Variants in RCHY1 observed in about 807,000 individuals in gnomAD.
RCHY1 encodes the protein RING finger and CHY zinc finger domain-containing protein 1.
A neutral mutation model predicts 41.6 loss-of-function variants in RCHY1; 21 were observed. The ratio of observed to expected loss-of-function variants is 0.51; its 90% CI spans 0.36 to 0.73. The LOEUF is 0.73. RCHY1 is among the 30% of genes least tolerant of loss of function. The probability of loss-of-function intolerance (pLI) is 0.00; values close to 1 mark genes in which losing one functional copy is unlikely to be tolerated. For synonymous variants in RCHY1, 79 were observed against 102.9 expected (o/e 0.77, Z 1.41); for missense variants, 265 against 325.3 (o/e 0.81, Z 1.43).
At chr4:75,494,334 C>CAAAT in intron 3 of RCHY1, 155 bp from the exon 4 acceptor site, 2 of 618,478 alleles carry the variant, frequency 3.2e-6, no homozygotes. Flanking sequence ...CATCCCTCTC[C>CAAAT]AAATGTAAGC....
At chr4:75,514,029 T>C (rs1725256547) in intron 1 of RCHY1, 168 bp downstream of exon 1, 3 of 1,058,624 alleles carry the variant, frequency 2.8e-6, no homozygotes, top group Non-Finnish European at 2.6e-6. Context: ...GTGGGGCTTA[T>C]CGCCTTGCCA....
intron 3 of RCHY1, among the ~76,000 whole-genome samples, chr4:75,500,588 T>C (rs1723657027): frequency 6.6e-6 from 1 of 152,200 alleles, no homozygotes; most frequent in Admixed American, 6.5e-5. Flanking sequence ...TACGAAGCAC[T>C]TGAATTGCTT....
At position 75,491,633 on chromosome 4, in the gene RCHY1, A is replaced by T; in HGVS notation, c.514T>A (p.Cys172Ser). The T allele has an allele frequency of 6.3e-7, 1 of 1,597,980 alleles. No individual in the cohort carries two copies. The highest frequency in any genetic ancestry group is 8.6e-7 in the Non-Finnish European group (1 of 1,166,530). ...LPCGHLLHRT[C>S]YEEMLKEGYR... Reference sequence around the variant, plus strand: ...CACTCTTTCAACATTTCTTCATAACACGTTCTGAAAGAAAATATAAGATTA... The same window carrying T: ...CACTCTTTCAACATTTCTTCATAACTCGTTCTGAAAGAAAATATAAGATTA... Residue 172 changes from cysteine to serine, a missense_variant, in exon 7 of 9, where the codon TGT (cysteine) becomes AGT (serine). Physicochemically the swap from Cys to Ser is moderately radical, Grantham distance 112. Transcript: ENST00000324439.
In RCHY1 at chr4:75,482,564, G is replaced by A. The variant is rs199658558; in HGVS notation, c.760C>T (p.Arg254Cys). The A allele has an allele frequency of 2.9e-5, 46 of 1,609,322 alleles. No individual in the cohort carries two copies. The highest frequency in any genetic ancestry group is 8.9e-5 in the East Asian group (4 of 44,694). The change falls in exon 9 of 9, where the codon CGT (arginine) becomes TGT (cysteine). Residue 254 changes from arginine to cysteine, a missense_variant. Physicochemically the swap from Arg to Cys is radical, Grantham distance 180 (BLOSUM62 -3). Transcript: ENST00000324439. ...ESYNTAQAGG[R>C]RISLDQQ ...CATTGCTGATCCAGTGAAATTCTACGTCCTCCAGCTTGAGCAGTATTATAG... is the reference window on the plus strand; with the variant it reads ...CATTGCTGATCCAGTGAAATTCTACATCCTCCAGCTTGAGCAGTATTATAG...
chr4:75,490,129 AT>A (rs539473119), intron 8 of RCHY1, among the ~76,000 whole-genome samples: 1 of 152,190 alleles, frequency 6.6e-6, no homozygotes, highest in Non-Finnish European at 1.5e-5. Context: ...TGTGCACTCC[AT>A]AAAAATAAGT....
chr4:75,505,202 T>C lies in RCHY1; in HGVS notation c.326+3618A>G, dbSNP rs1265445010. On this transcript the variant is annotated intron_variant, in intron 3 of 8. Transcript: ENST00000324439. Reference sequence around the variant, plus strand: ...TAGGGTTTGTGCTCCTATGAGAATCTAATGCTACTACTGATGTGACAGGAG... The same window carrying C: ...TAGGGTTTGTGCTCCTATGAGAATCCAATGCTACTACTGATGTGACAGGAG... 2.6e-5 allele frequency among the ~76,000 whole-genome samples: 4 copies of C among 152,180 alleles called. No individual in the cohort carries two copies. The East Asian group carries it at 7.7e-4, about 29-fold the overall frequency.
chr4:75,504,682 C>T (rs1222604320), intron 3 of RCHY1, among the ~76,000 whole-genome samples: 7 of 152,234 alleles, frequency 4.6e-5, no homozygotes, highest in South Asian at 4.2e-4. Context: ...GTTCAAGGGT[C>T]AAAAGCAGTT....
intron 8 of RCHY1, among the ~76,000 whole-genome samples, chr4:75,488,471 T>C (rs1722453435): frequency 6.6e-6 from 1 of 152,124 alleles, no homozygotes; most frequent in African/African-American, 2.4e-5. Flanking sequence ...TGGATAACAA[T>C]TCCTAGAACT....
intron 1 of RCHY1, among the ~76,000 whole-genome samples, chr4:75,513,518 G>A (rs1317926528): frequency 6.6e-6 from 1 of 152,038 alleles, no homozygotes; most frequent in Non-Finnish European, 1.5e-5. Flanking sequence ...GGCGGTTGAG[G>A]TTCCAAAGCT....
chr4:75,498,957 GCTT>G (rs1421497812), intron 3 of RCHY1, among the ~76,000 whole-genome samples: 3 of 152,084 alleles, frequency 2.0e-5, no homozygotes, highest in Admixed American at 2.0e-4. Flanking sequence ...AAGCTAAAAA[GCTT>G]CTGCACAGCA....
chr4:75,503,189 C>G (rs1236286624), intron 3 of RCHY1, among the ~76,000 whole-genome samples: 1 of 152,108 alleles, frequency 6.6e-6, no homozygotes, highest in African/African-American at 2.4e-5. Flanking sequence ...CCCCTCACTC[C>G]CTGGTTACAA....
chr4:75,487,485 CAT>C lies in RCHY1; in HGVS notation c.657+3094_657+3095del, dbSNP rs1187246029. Among the ~76,000 whole-genome samples, 8 of 89,270 alleles carry C rather than the reference CAT, an allele frequency of 9.0e-5. No individual in the cohort carries two copies. The East Asian group carries it at 1.0e-3, about 11-fold the overall frequency. The allele number at this position is 89,270 out of a possible 152,430, so 58.6% of individuals were successfully genotyped here. A position where few individuals can be genotyped will look rare whatever the true frequency, so the allele number is the denominator to read the frequency against. On this transcript the variant is annotated intron_variant, in intron 8 of 8. Transcript: ENST00000324439. ...TATATATATTCACAATATATATAGT[CAT>C]ATATATTCATAATATATATATTCAT...
At chr4:75,484,988 T>C (rs558265811) in intron 8 of RCHY1, among the ~76,000 whole-genome samples, 7 of 152,222 alleles carry the variant, frequency 4.6e-5, no homozygotes, top group African/African-American at 1.4e-4. Flanking sequence ...AAAAAAAAGA[T>C]GTTTTAAAAG....
intron 3 of RCHY1, among the ~76,000 whole-genome samples, chr4:75,503,605 T>C (rs1044306521): frequency 1.3e-5 from 2 of 151,856 alleles, no homozygotes; most frequent in Non-Finnish European, 2.9e-5. Flanking sequence ...TGAGGCAGAA[T>C]TGCTTGAACC....
At chr4:75,514,485 C>A (rs970115159), upstream of RCHY1, 1 of 545,076 alleles carries the variant, frequency 1.8e-6, no homozygotes, top group Non-Finnish European at 3.2e-6. Flanking sequence ...ACGCAGTCTC[C>A]GTCGTTGACG....
At chr4:75,507,067 C>T (rs1161094536) in intron 3 of RCHY1, among the ~76,000 whole-genome samples, 1 of 151,904 alleles carries the variant, frequency 6.6e-6, no homozygotes, top group Admixed American at 6.6e-5. Context: ...AAAAAAAAGA[C>T]ATTTTTCAGA....
At chr4:75,484,513 G>A (rs1247688202) in intron 8 of RCHY1, among the ~76,000 whole-genome samples, 1 of 152,044 alleles carries the variant, frequency 6.6e-6, no homozygotes, top group Non-Finnish European at 1.5e-5. Flanking sequence ...AGGGTTTTTT[G>A]TGTCCTGCCC....
intron 1 of RCHY1, among the ~76,000 whole-genome samples, chr4:75,510,324 A>G (rs1360009631): frequency 6.6e-6 from 1 of 152,122 alleles, no homozygotes; most frequent in Non-Finnish European, 1.5e-5. Context: ...TGTTAAATGG[A>G]AAGAAATAAA....
chr4:75,511,207 C>G (rs1266218108), intron 1 of RCHY1, among the ~76,000 whole-genome samples: 2 of 152,130 alleles, frequency 1.3e-5, no homozygotes, highest in Non-Finnish European at 2.9e-5. Context: ...TCTAAATGTT[C>G]ACACATTTAA....
Sources: gnomAD v4.1 joint callset for allele counts (sites outside exome capture counted in the v4.1 genomes callset) on GRCh38, gnomAD v4.1.1 for gene constraint, MANE v1.5 for transcripts, NCBI Gene and HGNC (gene_info 2026-07-23, HGNC 2026-07-21) for gene names.